Variants in TTLL11 observed in about 807,000 individuals in gnomAD.
TTLL11 encodes tubulin tyrosine ligase like 11.
Under a neutral mutation model 51.7 loss-of-function variants are expected in TTLL11, and 42 were observed. The ratio of observed to expected loss-of-function variants is 0.81; its 90% confidence interval spans 0.64 to 1.05. The LOEUF (loss-of-function observed/expected upper bound fraction) is 1.05. TTLL11 is among the 50% of genes least tolerant of loss of function. The pLI, the probability that TTLL11 is intolerant of heterozygous loss-of-function variation, is 0.00. For synonymous variants in TTLL11, 381 were observed against 383.5 expected (o/e 0.99, Z 0.08); for missense variants, 799 against 940.4 (o/e 0.85, Z 1.97).
At chr9:122,066,033 G>A (rs1395573105) in intron 1 of TTLL11, among the ~76,000 whole-genome samples, 1 of 152,074 alleles carries the variant, frequency 6.6e-6, no homozygotes, top group Non-Finnish European at 1.5e-5. Flanking sequence ...TTAAATGGGG[G>A]TGGAGTAGAA....
At chr9:121,882,119 T>C (rs1256225117) in intron 6 of TTLL11, among the ~76,000 whole-genome samples, 2 of 152,226 alleles carry the variant, frequency 1.3e-5, no homozygotes, top group Admixed American at 1.3e-4. Context: ...CTGCTGTGAC[T>C]GAACAAACAA....
chr9:122,079,966 T>C (rs1047066727), intron 1 of TTLL11, among the ~76,000 whole-genome samples: 4 of 152,074 alleles, frequency 2.6e-5, no homozygotes, highest in African/African-American at 4.8e-5. Flanking sequence ...CACCTCTTTT[T>C]ATTTTAAAAA....
chr9:121,837,731 C>G (rs1837221191), intron 8 of TTLL11, among the ~76,000 whole-genome samples: 1 of 152,132 alleles, frequency 6.6e-6, no homozygotes, highest in Non-Finnish European at 1.5e-5. Context: ...TGGGGTGGCA[C>G]TGCCTCCACA....
intron 1 of TTLL11, among the ~76,000 whole-genome samples, chr9:122,050,804 C>T (rs780183900): frequency 5.3e-5 from 8 of 152,164 alleles, no homozygotes; most frequent in Non-Finnish European, 1.2e-4. Context: ...CAATCGGAGT[C>T]ACCTGCCATC....
intron 6 of TTLL11, among the ~76,000 whole-genome samples, chr9:121,922,060 C>A (rs1840564994): frequency 6.6e-6 from 1 of 152,052 alleles, no homozygotes; most frequent in Non-Finnish European, 1.5e-5. Flanking sequence ...TAACTGCCAG[C>A]TGCTGCTGCT....
intron 4 of TTLL11, among the ~76,000 whole-genome samples, chr9:121,985,111 G>A (rs973396463): frequency 8.5e-5 from 13 of 152,188 alleles, no homozygotes; most frequent in Admixed American, 3.9e-4. Context: ...AGGGGTCACC[G>A]TCACATGTTT....
Position 122,002,444 on chromosome 9 carries a change from C to A in TTLL11, c.694-12674G>T, listed in dbSNP as rs116770371. On this transcript the variant is annotated intron_variant, in intron 3 of 8. Transcript: ENST00000321582. The stretch of plus-strand genomic sequence containing the variant: ...GGGCTCCAACTCTTTCCTTAGGCCC[C>A]TGTAGCCATAGACATAGCTTCTGAG... Among the ~76,000 whole-genome samples, 453 of 152,308 alleles carry A rather than the reference C, an allele frequency of 3.0e-3. 6 individuals carry two copies. The highest frequency in any genetic ancestry group is 0.011 in the African/African-American group (438 of 41,558).
chr9:121,936,475 C>T (rs906159401), intron 6 of TTLL11, among the ~76,000 whole-genome samples: 1 of 152,106 alleles, frequency 6.6e-6, no homozygotes, highest in Admixed American at 6.5e-5. Flanking sequence ...AGAGAAGAGA[C>T]AAGACTTCAC....
intron 6 of TTLL11, among the ~76,000 whole-genome samples, chr9:121,916,851 C>T (rs1162217973): frequency 6.6e-6 from 1 of 152,162 alleles, no homozygotes; most frequent in African/African-American, 2.4e-5. Context: ...CTAATTTCTC[C>T]CCAGGTAGAT....
chr9:121,843,094 T>C (rs1203804852), intron 8 of TTLL11, among the ~76,000 whole-genome samples: 1 of 151,970 alleles, frequency 6.6e-6, no homozygotes, highest in East Asian at 1.9e-4. Flanking sequence ...CCCAGCACTA[T>C]GGGGGCCGAG....
chr9:122,056,692 A>T (rs1321339490), intron 1 of TTLL11, among the ~76,000 whole-genome samples: 1 of 152,148 alleles, frequency 6.6e-6, no homozygotes, highest in Non-Finnish European at 1.5e-5. Flanking sequence ...CCCACCTAGG[A>T]GCTCTCCAGA....
intron 6 of TTLL11, among the ~76,000 whole-genome samples, chr9:121,939,884 C>T (rs1423329281): frequency 1.3e-5 from 2 of 152,038 alleles, no homozygotes; most frequent in East Asian, 1.9e-4. Context: ...TGTATGCATT[C>T]GCTCAGCAAG....
rs148314093 is a variant in TTLL11, at chr9:122,019,648, G to A, written c.693+12075C>T. On this transcript the variant is annotated intron_variant, in intron 3 of 8. Coordinates refer to ENST00000321582, the MANE Select transcript of TTLL11 (RefSeq NM_001139442.2). ...ATATTTTTAGTAGAGACAGGGTTTC[G>A]TCATGTTGCCCAGGCTGGTCTCGAA... 1.4e-4 allele frequency among the ~76,000 whole-genome samples: 22 copies of A among 152,158 alleles called. No homozygotes were observed. In the East Asian group the frequency reaches 2.1e-3, roughly 15 times the overall value.
chr9:121,950,184 AC>A (rs1482788361), intron 6 of TTLL11, among the ~76,000 whole-genome samples: 3 of 151,796 alleles, frequency 2.0e-5, no homozygotes, highest in Non-Finnish European at 4.4e-5. Flanking sequence ...TTCAGTTATG[AC>A]CCTCCTAGGC....
At chr9:122,053,462 C>A (rs1316258447) in intron 1 of TTLL11, among the ~76,000 whole-genome samples, 1 of 152,108 alleles carries the variant, frequency 6.6e-6, no homozygotes, top group Admixed American at 6.5e-5. Flanking sequence ...ACACAGCCCA[C>A]ACAGATCACG....
chr9:121,822,450 C>T lies in TTLL11; in HGVS notation c.*137G>A. The T allele has an allele frequency of 1.2e-6, 1 of 829,444 alleles. No individual in the cohort carries two copies. The highest frequency in any genetic ancestry group is 1.8e-5 in the African/African-American group (1 of 56,738). 51.4% of individuals were successfully genotyped at this position (829,444 alleles called of 1,614,324 possible). ...CCTGGTGAAGCACAGCTCAGCCGCA[C>T]ACAGAGACAGTTCGTGGGGACCTCA... On this transcript the variant is annotated 3_prime_UTR_variant, in exon 9 of 9. Coordinates refer to ENST00000321582, the MANE Select transcript of TTLL11 (RefSeq NM_001139442.2). The surrounding 1 kb of genome is among the most constrained non-coding windows in gnomAD (Gnocchi z 5.8).
At chr9:122,057,108 G>A (rs1185808983) in intron 1 of TTLL11, among the ~76,000 whole-genome samples, 3 of 152,144 alleles carry the variant, frequency 2.0e-5, no homozygotes, top group African/African-American at 4.8e-5. Flanking sequence ...GACAGTGGGC[G>A]CCAAGAACAA....
At chr9:122,021,855 C>T (rs1844191049) in intron 3 of TTLL11, among the ~76,000 whole-genome samples, 1 of 152,016 alleles carries the variant, frequency 6.6e-6, no homozygotes, top group Non-Finnish European at 1.5e-5. Context: ...AAAATCAAAA[C>T]CAACTCAGAA....
At chr9:122,047,069 C>A (rs904614015) in intron 1 of TTLL11, among the ~76,000 whole-genome samples, 3 of 152,046 alleles carry the variant, frequency 2.0e-5, no homozygotes, top group Non-Finnish European at 4.4e-5. Flanking sequence ...GGAAGGAATC[C>A]CAGAGAGCAA....
Sources: gnomAD v4.1 joint callset for allele counts (sites outside exome capture counted in the v4.1 genomes callset) on GRCh38, gnomAD v4.1.1 for gene constraint, Gnocchi (gnomAD v3.1) non-coding constraint, MANE v1.5 for transcripts, NCBI Gene and HGNC (gene_info 2026-07-23, HGNC 2026-07-21) for gene names.